The following DHX34 variants were observed in gnomAD, a reference collection of about 807,000 sequenced individuals.
The protein encoded by DHX34 is probable ATP-dependent RNA helicase DHX34.
Under a neutral mutation model 111.1 loss-of-function variants are expected in DHX34, and 96 were observed. That is an observed-to-expected ratio of 0.86 (90% CI 0.73 to 1.02). The LOEUF (loss-of-function observed/expected upper bound fraction) is 1.02. Ranked by LOEUF, DHX34 falls within the 50% of genes least tolerant of loss-of-function variation. The pLI is 0.00. For missense variants in DHX34, 1,560 were observed against 1,579.9 expected (o/e 0.99, Z 0.21); for synonymous variants, 688 against 670.4 (o/e 1.03, Z -0.41).
In DHX34 at chr19:47,380,825, A is replaced by G. The variant is rs1463768548; in HGVS notation, c.2992A>G (p.Ser998Gly). The G allele has an allele frequency of 8.1e-6, 13 of 1,613,640 alleles. No individual in the cohort carries two copies. The highest frequency in any genetic ancestry group is 1.7e-5 in the Admixed American group (1 of 59,962). The part of the protein sequence containing the change: ...LQFTASKIPY[S>G]LRRLTGLEVQ... ...GTCTCTCCTTCCTTAGATTCCTTAC[A>G]GCCTCCGGCGGCTCACAGGGCTAGA... Residue 998 changes from serine (S) to glycine (G), a missense_variant, in exon 15 of 17, where the codon AGC (serine) becomes GGC (glycine). Coordinates refer to ENST00000328771, the MANE Select transcript of DHX34 (RefSeq NM_014681.6).
intron 16 of DHX34, chr19:47,381,537 C>A: frequency 1.5e-6 from 1 of 659,348 alleles, no homozygotes; most frequent in Non-Finnish European, 2.5e-6. Flanking sequence ...GTCTGCCTGT[C>A]CCCTGTGGTG....
rs1484863303 is a variant in DHX34, at chr19:47,362,696, G to A, written c.1593+3G>A. On this transcript the variant is annotated splice_donor_region_variant and intron_variant, in intron 6 of 16. Transcript: ENST00000328771. ...CCCTGGACTCGTTGGTGCTGCAGGT[G>A]AGGCATGGGCAGAAAGGGGACTATA... 1.9e-6 allele frequency: 3 copies of A among 1,609,900 alleles called. No homozygotes were observed. Among genetic ancestry groups the A allele is most frequent in the Non-Finnish European group, 2.5e-6 (3 of 1,178,834 alleles).
At chr19:47,372,962 C>T in intron 8 of DHX34, 39 bp downstream of exon 8, 1 of 1,551,220 alleles carries the variant, frequency 6.4e-7, no homozygotes, top group Non-Finnish European at 8.7e-7. Context: ...TGTCACCCTG[C>T]TCAGGGCCAA....
Position 47,371,030 on chromosome 19 carries a change from CAGA to C in DHX34, c.1769-1695_1769-1693del, listed in dbSNP as rs1293219895. On this transcript the variant is annotated intron_variant, in intron 7 of 16. Coordinates refer to ENST00000328771, the MANE Select transcript of DHX34 (RefSeq NM_014681.6). The stretch of plus-strand genomic sequence containing the variant: ...AGCAGGGAGAATCTGAACTGAGAAG[CAGA>C]AGAATGTTCTGTGAGCTCTTGCTGT... Among the ~76,000 whole-genome samples the C allele has an allele frequency of 2.6e-5, 4 of 152,298 alleles. No individual in the cohort carries two copies. In the East Asian group the frequency reaches 7.7e-4, roughly 29 times the overall value.
chr19:47,381,591 CTA>C, intron 16 of DHX34: 1 of 594,910 alleles, frequency 1.7e-6, no homozygotes, highest in South Asian at 2.3e-5. Context: ...CTCTCTGTGG[CTA>C]TGTCTCTTGT....
rs761862422 is a variant in DHX34, at chr19:47,377,223, C to T, written c.2706+17C>T. The T allele has an allele frequency of 3.7e-6, 6 of 1,605,684 alleles. No individual in the cohort carries two copies. Among genetic ancestry groups the T allele is most frequent in the Non-Finnish European group, 5.1e-6 (6 of 1,176,142 alleles). On this transcript the variant is annotated intron_variant, in intron 13 of 16. Transcript: ENST00000328771. ...GCCCTCCAGGTGGGCCTCTGCCCCACCCCGCCCCCATGCCCAGATATGAGA... is the reference window on the plus strand; with the variant it reads ...GCCCTCCAGGTGGGCCTCTGCCCCATCCCGCCCCCATGCCCAGATATGAGA...
Position 47,366,772 on chromosome 19 carries a change from C to G in DHX34, c.1594-209C>G, listed in dbSNP as rs1969797559. ...TATTTTTAGTAGAGACGGGGTTTCA[C>G]CATGTTGGCCAGGATGGTCTTGAAC... On this transcript the variant is annotated intron_variant, in intron 6 of 16. Coordinates refer to ENST00000328771, the MANE Select transcript of DHX34 (RefSeq NM_014681.6). The G allele has an allele frequency of 7.0e-6, 6 of 857,868 alleles. No homozygotes were observed. The South Asian group carries it at 3.3e-4, about 48-fold the overall frequency. 53.1% of individuals were successfully genotyped at this position (857,868 alleles called of 1,614,324 possible). A position where few individuals can be genotyped will look rare whatever the true frequency, so the allele number is the denominator to read the frequency against.
intron 16 of DHX34, chr19:47,381,762 C>CT (rs1191215995): frequency 2.5e-6 from 2 of 788,430 alleles, no homozygotes; most frequent in African/African-American, 1.9e-5. Context: ...CATGTCTCTC[C>CT]TTGTGTCTTT....
intron 10 of DHX34, 33 bp from the exon 11 acceptor site, chr19:47,375,891 C>A (rs371418906): frequency 1.3e-6 from 2 of 1,578,766 alleles, no homozygotes; most frequent in South Asian, 2.3e-5. Context: ...CCCTCAGGTC[C>A]CCTAAGACTC....
chr19:47,362,387 G>A (rs2122253407), intron 5 of DHX34, 89 bp from the exon 6 acceptor site: 1 of 1,401,778 alleles, frequency 7.1e-7, no homozygotes, highest in Non-Finnish European at 9.3e-7. Flanking sequence ...GAGTAAGTGA[G>A]GGTGTTGGCG....
intron 3 of DHX34, among the ~76,000 whole-genome samples, chr19:47,355,943 A>C (rs1400941178): frequency 6.6e-6 from 1 of 151,890 alleles, no homozygotes; most frequent in African/African-American, 2.4e-5. Context: ...CTGTTGGGCA[A>C]CTCTGTTCCA....
chr19:47,352,919 A>G lies in DHX34; in HGVS notation c.-112A>G, dbSNP rs192207405. The G allele has an allele frequency of 2.7e-3, 3,970 of 1,454,738 alleles. 17 individuals carry two copies. The highest frequency in any genetic ancestry group is 3.5e-3 in the Admixed American group (126 of 35,892). 90.1% of individuals were successfully genotyped at this position (1,454,738 alleles called of 1,614,324 possible). ...GAGGAAAAATTAGCTCTTTGAAGAG[A>G]AAGTAGTTCTCTATTGCAGGCACTG... On this transcript the variant is annotated 5_prime_UTR_variant, in exon 2 of 17. Transcript: ENST00000328771.
chr19:47,364,243 C>T (rs1357497377), intron 6 of DHX34, among the ~76,000 whole-genome samples: 1 of 152,128 alleles, frequency 6.6e-6, no homozygotes, highest in Non-Finnish European at 1.5e-5. Flanking sequence ...CTGGTCAGTC[C>T]TCAGTCTCGT....
chr19:47,357,974 G>A lies in DHX34; in HGVS notation c.1126G>A (p.Glu376Lys). The change falls in exon 4 of 17, where the codon GAG becomes AAG. Residue 376 changes from glutamate to lysine, a missense_variant. Glu to Lys is a moderately conservative substitution (Grantham distance 56). Coordinates refer to ENST00000328771, the MANE Select transcript of DHX34 (RefSeq NM_014681.6). Reference sequence around the variant, plus strand: ...GTCCATTGACCACAAGTACCCGCCTGAGGAGCGGGGTGACCTCCTCGTCTT... The same window carrying A: ...GTCCATTGACCACAAGTACCCGCCTAAGGAGCGGGGTGACCTCCTCGTCTT... ...LESIDHKYPPEERGDLLVFLS... is the reference protein window; with the variant it reads ...LESIDHKYPPKERGDLLVFLS... 1 of 1,614,004 alleles carries A rather than the reference G, an allele frequency of 6.2e-7. No homozygotes were observed. The highest frequency in any genetic ancestry group is 8.5e-7 in the Non-Finnish European group (1 of 1,180,044).
intron 13 of DHX34, among the ~76,000 whole-genome samples, chr19:47,378,561 A>G (rs2122366835): frequency 6.6e-6 from 1 of 152,304 alleles, no homozygotes; most frequent in East Asian, 1.9e-4. Context: ...GAATCTGGCC[A>G]GCTCACACCT....
chr19:47,352,909 C>A lies in DHX34; in HGVS notation c.-122C>A. 1 of 1,449,434 alleles carries A rather than the reference C, an allele frequency of 6.9e-7. No individual in the cohort carries two copies. The highest frequency in any genetic ancestry group is 9.1e-7 in the Non-Finnish European group (1 of 1,101,904). 89.8% of individuals were successfully genotyped at this position (1,449,434 alleles called of 1,614,324 possible). A position where few individuals can be genotyped will look rare whatever the true frequency, so the allele number is the denominator to read the frequency against. On this transcript the variant is annotated 5_prime_UTR_variant, in exon 2 of 17. Coordinates refer to ENST00000328771, the MANE Select transcript of DHX34 (RefSeq NM_014681.6). The stretch of plus-strand genomic sequence containing the variant: ...CCGTGACCAGGAGGAAAAATTAGCT[C>A]TTTGAAGAGAAAGTAGTTCTCTATT...
At chr19:47,369,602 G>GTTTT (rs1969905138) in intron 7 of DHX34, among the ~76,000 whole-genome samples, 1 of 152,234 alleles carries the variant, frequency 6.6e-6, no homozygotes, top group Admixed American at 6.5e-5. Context: ...CGGAATGTCA[G>GTTTT]CCGCTGATTG....
At chr19:47,356,084 T>C (rs1015098300) in intron 3 of DHX34, among the ~76,000 whole-genome samples, 9 of 152,100 alleles carry the variant, frequency 5.9e-5, no homozygotes, top group African/African-American at 1.9e-4. Flanking sequence ...GTCCTGTGCA[T>C]TGTAGGATAT....
chr19:47,360,149 G>A, intron 5 of DHX34, 79 bp downstream of exon 5: 4 of 1,361,722 alleles, frequency 2.9e-6, no homozygotes, highest in Non-Finnish European at 4.2e-6. Flanking sequence ...GTGTGTGGCA[G>A]GGGCGCACCA....
Sources: gnomAD v4.1 joint callset for allele counts (sites outside exome capture counted in the v4.1 genomes callset) on GRCh38, gnomAD v4.1.1 for gene constraint, MANE v1.5 for transcripts, NCBI Gene and HGNC (gene_info 2026-07-23, HGNC 2026-07-21) for gene names.